MPDZ: variants seen among roughly 807,000 people sequenced by gnomAD.
MPDZ encodes multiple PDZ domain crumbs cell polarity complex component, also known as multiple PDZ domain protein.
In MPDZ, 234 loss-of-function variants were observed where a neutral mutation model predicts 239.1. The ratio of observed to expected loss-of-function variants is 0.98; its 90% CI spans 0.88 to 1.09. The LOEUF is 1.09. Ranked by LOEUF, MPDZ falls within the 50% of genes least tolerant of loss-of-function variation. The probability of loss-of-function intolerance (pLI) is 0.00; values close to 1 mark genes in which losing one functional copy is unlikely to be tolerated. For missense variants in MPDZ, 3,175 were observed against 2,510.0 expected, an observed-to-expected ratio of 1.26 and a Z score of -5.66; for synonymous variants, 1,048 against 881.3, an observed-to-expected ratio of 1.19 and a Z score of -3.35.
chr9:13,178,943 G>T (rs191217944), intron 19 of MPDZ, among the ~76,000 whole-genome samples: 3 of 152,172 alleles, frequency 2.0e-5, no homozygotes, highest in Admixed American at 6.5e-5. Flanking sequence ...TTTTATAAAT[G>T]CTTTCTTTTA....
At chr9:13,223,444 C>G in intron 5 of MPDZ, 127 bp downstream of exon 5, 1 of 1,074,572 alleles carries the variant, frequency 9.3e-7, no homozygotes, top group Non-Finnish European at 1.2e-6. Flanking sequence ...CTTCTAAAAA[C>G]TGGTTAATAA....
intron 39 of MPDZ, among the ~76,000 whole-genome samples, chr9:13,115,804 G>C (rs549406483): frequency 6.6e-6 from 1 of 151,988 alleles, no homozygotes; most frequent in South Asian, 2.1e-4. Context: ...AAATAGCTGG[G>C]CGTGGTGGCA....
chr9:13,217,225 C>T lies in MPDZ; in HGVS notation c.1156G>A (p.Gly386Arg). 6.2e-7 allele frequency: 1 copy of T among 1,603,274 alleles called. No homozygotes were observed. The highest frequency in any genetic ancestry group is 1.7e-5 in the Admixed American group (1 of 58,748). ...FDVELTKNVQ[G>R]LGITIAGYIG... ...TAGCCAGCAATGGTAATTCCTAATC[C>T]TTGGACATTTTTAGTGAGTTCTACA... Residue 386 changes from glycine (G) to arginine (R), a missense_variant, in exon 9 of 47, where the codon GGA becomes AGA. Physicochemically the swap from Gly to Arg is moderately radical, Grantham distance 125. Transcript: ENST00000319217.
chr9:13,155,257 G>A (rs900414517), intron 24 of MPDZ, among the ~76,000 whole-genome samples: 1 of 152,012 alleles, frequency 6.6e-6, no homozygotes, highest in Non-Finnish European at 1.5e-5. Flanking sequence ...ACCTTAAAAA[G>A]CAATTTGACA....
chr9:13,140,203 CAAG>C (rs1269555248), intron 27 of MPDZ, 54 bp from the exon 28 acceptor site: 8 of 1,545,284 alleles, frequency 5.2e-6, no homozygotes, highest in African/African-American at 2.8e-5. Flanking sequence ...AAGAAAACTT[CAAG>C]AAGAAGAAAT....
chr9:13,117,333 CA>C (rs1358252331), intron 39 of MPDZ, among the ~76,000 whole-genome samples: 2 of 151,984 alleles, frequency 1.3e-5, no homozygotes, highest in African/African-American at 4.8e-5. Context: ...AGATTGAGAC[CA>C]TCCTGGGTAA....
chr9:13,149,648 C>T (rs1233988107), intron 25 of MPDZ, among the ~76,000 whole-genome samples: 2 of 152,008 alleles, frequency 1.3e-5, no homozygotes, highest in East Asian at 3.9e-4. Flanking sequence ...GTGGGATGCC[C>T]AGAGCCTGTT....
chr9:13,176,965 T>C (rs1229958229), intron 19 of MPDZ, among the ~76,000 whole-genome samples: 1 of 152,132 alleles, frequency 6.6e-6, no homozygotes, highest in Non-Finnish European at 1.5e-5. Context: ...TAGGAAAAAT[T>C]TGCATAAATA....
rs148114929 is a variant in MPDZ at position 13,214,787 on chromosome 9, T to C, written c.1290+1987A>G. On this transcript the variant is annotated intron_variant, in intron 10 of 46. Coordinates refer to ENST00000319217, the MANE Select transcript of MPDZ (RefSeq NM_001378778.1). Reference sequence around the variant, plus strand: ...TTTACATTGTATGGTAAAATGGAGATACACAGAGAAAGCTCACTTCGGGCA... The same window carrying C: ...TTTACATTGTATGGTAAAATGGAGACACACAGAGAAAGCTCACTTCGGGCA... Among the ~76,000 whole-genome samples, 734 of 152,120 alleles carry C rather than the reference T, an allele frequency of 4.8e-3. 5 individuals carry two copies. Among genetic ancestry groups the C allele is most frequent in the African/African-American group, 0.016 (652 of 41,540 alleles).
rs574045380 is a variant in MPDZ at position 13,229,344 on chromosome 9, A to G, written c.184-4761T>C. 7.9e-5 allele frequency among the ~76,000 whole-genome samples: 12 copies of G among 152,186 alleles called. No individual in the cohort carries two copies. The East Asian group carries it at 2.3e-3, about 29-fold the overall frequency. Reference sequence around the variant, plus strand: ...TATCAGAAGGCAAGAAATACTGGCCATCTTAGAGGCTGACTAGAATGGCAT... The same window carrying G: ...TATCAGAAGGCAAGAAATACTGGCCGTCTTAGAGGCTGACTAGAATGGCAT... On this transcript the variant is annotated intron_variant, in intron 3 of 46. Coordinates refer to ENST00000319217, the MANE Select transcript of MPDZ (RefSeq NM_001378778.1).
At chr9:13,256,125 A>C (rs752756934) in intron 1 of MPDZ, among the ~76,000 whole-genome samples, 18 of 152,150 alleles carry the variant, frequency 1.2e-4, no homozygotes, top group Non-Finnish European at 2.6e-4. Flanking sequence ...GGCTTCTTTC[A>C]TTAAACCTCA....
intron 32 of MPDZ, among the ~76,000 whole-genome samples, chr9:13,130,901 G>T (rs1170984573): frequency 1.3e-5 from 2 of 152,148 alleles, no homozygotes; most frequent in Non-Finnish European, 2.9e-5. Flanking sequence ...AGTTGAAACA[G>T]GTAATGGATG....
intron 1 of MPDZ, among the ~76,000 whole-genome samples, chr9:13,253,807 CT>C (rs1387120245): frequency 1.3e-5 from 2 of 152,154 alleles, no homozygotes; most frequent in African/African-American, 2.4e-5. Context: ...AGCACTAATG[CT>C]GAAGCAGAAG....
chr9:13,245,702 T>C (rs562627521), intron 3 of MPDZ, among the ~76,000 whole-genome samples: 1 of 152,276 alleles, frequency 6.6e-6, no homozygotes, highest in East Asian at 1.9e-4. Flanking sequence ...AACAAAATAA[T>C]AAGATAATGC....
At chr9:13,221,243 CG>C (rs1461906051) in intron 7 of MPDZ, 128 bp downstream of exon 7, 10 of 1,025,448 alleles carry the variant, frequency 9.8e-6, no homozygotes, top group Non-Finnish European at 1.2e-5. Context: ...CTCAATAAAA[CG>C]AAAGATTCTA....
chr9:13,148,070 G>A (rs937121443), intron 25 of MPDZ, among the ~76,000 whole-genome samples: 7 of 151,876 alleles, frequency 4.6e-5, no homozygotes, highest in Non-Finnish European at 1.0e-4. Context: ...GGAAGTAAGG[G>A]GTGATGCCTT....
chr9:13,224,306 C>T (rs1226921997), intron 4 of MPDZ, 68 bp downstream of exon 4: 1 of 1,338,258 alleles, frequency 7.5e-7, no homozygotes, highest in African/African-American at 1.5e-5. Flanking sequence ...TTCAAATTAT[C>T]CATAACTTGA....
At chr9:13,109,883 A>C in intron 45 of MPDZ, 69 bp downstream of exon 45, 1 of 1,210,102 alleles carries the variant, frequency 8.3e-7, no homozygotes, top group South Asian at 1.3e-5. Context: ...TGGGACAGAG[A>C]ACGCAACTGT....
intron 34 of MPDZ, among the ~76,000 whole-genome samples, chr9:13,126,070 T>C (rs1292400500): frequency 6.6e-6 from 1 of 152,190 alleles, no homozygotes; most frequent in African/African-American, 2.4e-5. Flanking sequence ...CAAATAAGTA[T>C]TAAGATCTCT....
Sources: allele counts gnomAD v4.1 joint callset (sites outside exome capture counted in the v4.1 genomes callset), GRCh38; gene constraint gnomAD v4.1.1; transcripts MANE v1.5; gene names NCBI Gene and HGNC (gene_info 2026-07-23, HGNC 2026-07-21).